Variants in PHACTR2 observed in about 807,000 individuals in gnomAD.
The protein encoded by PHACTR2 is phosphatase and actin regulator 2.
PHACTR2 carries 30 observed loss-of-function variants against 76.0 expected under a neutral mutation model. The observed-to-expected ratio is 0.39, with a 90% confidence interval of 0.30 to 0.54. PHACTR2 has a LOEUF of 0.54. Ranked by LOEUF, PHACTR2 falls within the 20% of genes least tolerant of loss-of-function variation. The pLI is 0.61. For missense variants in PHACTR2, 696 were observed against 781.1 expected (o/e 0.89, Z 1.30); for synonymous variants, 292 against 292.5 (o/e 1.00, Z 0.02).
chr6:143,785,181 T>C (rs149568783), intron 10 of PHACTR2, among the ~76,000 whole-genome samples: 1,525 of 152,292 alleles, frequency 0.01, 15 homozygotes, highest in East Asian at 0.048. Flanking sequence ...AGCTAGTTAC[T>C]TCCTAGATAA....
At chr6:143,706,158 G>C (rs1253536100) in intron 1 of PHACTR2, among the ~76,000 whole-genome samples, 1 of 152,134 alleles carries the variant, frequency 6.6e-6, no homozygotes, top group African/African-American at 2.4e-5. Context: ...CCATCAGTTT[G>C]CTTTTTGAGC....
chr6:143,762,672 C>T (rs1779469057), intron 5 of PHACTR2, among the ~76,000 whole-genome samples: 3 of 152,166 alleles, frequency 2.0e-5, no homozygotes, highest in Admixed American at 2.0e-4. Flanking sequence ...TCTTGATGTT[C>T]AGCCCAGTGA....
At position 143,677,983 on chromosome 6, in the gene PHACTR2, GC is replaced by G. The variant is rs1777284890; in HGVS notation, c.-179del. The G allele has an allele frequency of 2.2e-6, 3 of 1,378,376 alleles. No homozygotes were observed. In the Admixed American group the frequency reaches 8.7e-5, roughly 40 times the overall value. 85.4% of individuals were successfully genotyped at this position (1,378,376 alleles called of 1,614,324 possible). Reference sequence around the variant, plus strand: ...GACAGGCATCCGCTGGGCAGGATCCGCCGCGCCGGCTGCGGCCGGCCGGGCT... The same window carrying G: ...GACAGGCATCCGCTGGGCAGGATCCGCGCGCCGGCTGCGGCCGGCCGGGCT... On this transcript the variant is annotated 5_prime_UTR_variant, in exon 1 of 13. Coordinates refer to ENST00000440869, the MANE Select transcript of PHACTR2 (RefSeq NM_001100164.2).
chr6:143,626,267 GTTGC>G (rs1776255420), intron 1 of PHACTR2, among the ~76,000 whole-genome samples: 1 of 152,144 alleles, frequency 6.6e-6, no homozygotes, highest in African/African-American at 2.4e-5. Flanking sequence ...GCCGGGCACG[GTTGC>G]TCACGCCCGT....
At chr6:143,638,910 A>G (rs141946984) in intron 1 of PHACTR2, among the ~76,000 whole-genome samples, 5 of 152,328 alleles carry the variant, frequency 3.3e-5, no homozygotes, top group Non-Finnish European at 7.3e-5. Context: ...TTTGTCCTTA[A>G]TAATCAGTAG....
At chr6:143,758,582 C>A (rs531671495) in intron 4 of PHACTR2, among the ~76,000 whole-genome samples, 1 of 152,040 alleles carries the variant, frequency 6.6e-6, no homozygotes. Context: ...GTTAAGAGGG[C>A]CATTACTATT....
intron 6 of PHACTR2, among the ~76,000 whole-genome samples, chr6:143,770,925 CTTTTT>C (rs72471881): frequency 8.4e-6 from 1 of 119,220 alleles, no homozygotes; most frequent in South Asian, 2.7e-4. Flanking sequence ...TTCTTTCTTT[CTTTTT>C]TTTTTTTTTT....
intron 1 of PHACTR2, among the ~76,000 whole-genome samples, chr6:143,631,683 A>G (rs1207356198): frequency 6.6e-6 from 1 of 152,176 alleles, no homozygotes; most frequent in Admixed American, 6.5e-5. Flanking sequence ...CAAACCCCAC[A>G]AACGAGGTCT....
chr6:143,575,813 A>G (rs2128432298), intron 1 of PHACTR2, among the ~76,000 whole-genome samples: 1 of 152,316 alleles, frequency 6.6e-6, no homozygotes, highest in African/African-American at 2.4e-5. Flanking sequence ...CTATTGGGGT[A>G]AATTGTTTGC....
At chr6:143,657,108 A>G (rs1235293179) in intron 1 of PHACTR2, among the ~76,000 whole-genome samples, 1 of 152,142 alleles carries the variant, frequency 6.6e-6, no homozygotes, top group Non-Finnish European at 1.5e-5. Context: ...GGGGAGGGAG[A>G]GCATTAAGAC....
upstream of PHACTR2, among the ~76,000 whole-genome samples, chr6:143,604,582 A>G (rs1775847397): frequency 6.6e-6 from 1 of 152,078 alleles, no homozygotes; most frequent in African/African-American, 2.4e-5. Context: ...TTCTCGTAGG[A>G]AAGTTAAGAA....
rs1468763860 is a variant in PHACTR2 at position 143,621,431 on chromosome 6, T to A, written c.13+13109T>A. 1.3e-5 allele frequency among the ~76,000 whole-genome samples: 2 copies of A among 152,184 alleles called. No individual in the cohort carries two copies. Among genetic ancestry groups the A allele is most frequent in the Non-Finnish European group, 2.9e-5 (2 of 68,028 alleles). On this transcript the variant is annotated intron_variant, in intron 1 of 11. Coordinates refer to the PHACTR2 transcript ENST00000305766. This position sits in a 1 kb window ranked among gnomAD's most constrained non-coding sequence, Gnocchi z 4.1. Reference sequence around the variant, plus strand: ...TCTCTCTCTAGAGTAGCACAGGACTTGGGAAGCCAGCAGCTACAAGGAAGC... The same window carrying A: ...TCTCTCTCTAGAGTAGCACAGGACTAGGGAAGCCAGCAGCTACAAGGAAGC...
chr6:143,657,376 C>G (rs1369372127), intron 1 of PHACTR2, among the ~76,000 whole-genome samples: 1 of 152,000 alleles, frequency 6.6e-6, no homozygotes, highest in Non-Finnish European at 1.5e-5. Flanking sequence ...ATCCTTCATG[C>G]CCTTCCCAGT....
rs986854116 is a variant in PHACTR2 at position 143,695,863 on chromosome 6, G to T, written c.47-16153G>T. Among the ~76,000 whole-genome samples, 3 of 152,190 alleles carry T rather than the reference G, an allele frequency of 2.0e-5. No homozygotes were observed. The highest frequency in any genetic ancestry group is 2.9e-5 in the Non-Finnish European group (2 of 68,032). ...ATGCAACTTCCTGTGTTTAGCAGCCGTAGCAACACATCTTATACGGTGCAG... is the reference window on the plus strand; with the variant it reads ...ATGCAACTTCCTGTGTTTAGCAGCCTTAGCAACACATCTTATACGGTGCAG... On this transcript the variant is annotated intron_variant, in intron 1 of 12. Transcript: ENST00000440869. The surrounding 1 kb of genome is among the most constrained non-coding windows in gnomAD (Gnocchi z 4.4).
At chr6:143,615,593 A>G (rs1337638761) in intron 1 of PHACTR2, among the ~76,000 whole-genome samples, 1 of 152,154 alleles carries the variant, frequency 6.6e-6, no homozygotes, top group Non-Finnish European at 1.5e-5. Context: ...TTTTTGATAG[A>G]GCCCACCTAT....
At chr6:143,582,797 A>C (rs1775590467) in intron 1 of PHACTR2, among the ~76,000 whole-genome samples, 1 of 152,192 alleles carries the variant, frequency 6.6e-6, no homozygotes, top group African/African-American at 2.4e-5. Flanking sequence ...AAACTATTTC[A>C]TTCTTCTAGC....
chr6:143,609,108 C>T (rs1159852749), intron 1 of PHACTR2, among the ~76,000 whole-genome samples: 3 of 152,170 alleles, frequency 2.0e-5, no homozygotes, highest in Non-Finnish European at 4.4e-5. Flanking sequence ...AGTTCAGTTA[C>T]GCAGCTGGTA....
upstream of PHACTR2, among the ~76,000 whole-genome samples, chr6:143,603,834 C>T (rs991645552): frequency 3.9e-5 from 6 of 152,142 alleles, no homozygotes; most frequent in Admixed American, 2.6e-4. Context: ...TGGGGTGGCT[C>T]ATGCCTGTAA....
At chr6:143,707,150 T>C (rs1280150832) in intron 1 of PHACTR2, among the ~76,000 whole-genome samples, 1 of 150,434 alleles carries the variant, frequency 6.6e-6, no homozygotes, top group Non-Finnish European at 1.5e-5. Flanking sequence ...CAGATAATCT[T>C]AATATTGTAA....
Sources: allele counts gnomAD v4.1 joint callset (sites outside exome capture counted in the v4.1 genomes callset), GRCh38; gene constraint gnomAD v4.1.1; non-coding constraint Gnocchi (gnomAD v3.1); transcripts MANE v1.5; gene names NCBI Gene and HGNC (gene_info 2026-07-23, HGNC 2026-07-21).